The following RABGAP1 variants were observed in gnomAD, a reference collection of about 807,000 sequenced individuals.
RABGAP1 encodes the protein rab GTPase-activating protein 1.
In RABGAP1, 23 loss-of-function variants were observed where a neutral mutation model predicts 137.6. The observed-to-expected ratio is 0.17, with a 90% CI of 0.12 to 0.24. The LOEUF (loss-of-function observed/expected upper bound fraction) is 0.24. Among genes scored for constraint, RABGAP1 ranks in the 10% least tolerant of loss-of-function variants. RABGAP1 has a pLI of 1.00. For missense variants in RABGAP1, 906 were observed against 1,275.8 expected, an observed-to-expected ratio of 0.71 and a Z score of 4.42; for synonymous variants, 451 against 450.7, an observed-to-expected ratio of 1.00 and a Z score of -0.01.
intron 2 of RABGAP1, among the ~76,000 whole-genome samples, 170 bp downstream of exon 2, chr9:122,957,379 A>G (rs1834582454): frequency 6.6e-6 from 1 of 152,216 alleles, no homozygotes; most frequent in Non-Finnish European, 1.5e-5. Context: ...ATTTGATTAA[A>G]GATTTTCACT....
At chr9:123,050,309 TTG>T (rs1296573789) in intron 13 of RABGAP1, among the ~76,000 whole-genome samples, 3 of 152,232 alleles carry the variant, frequency 2.0e-5, no homozygotes, top group African/African-American at 7.2e-5. Flanking sequence ...AGGTTTTGAA[TTG>T]TTATTGTTAA....
At chr9:122,968,801 G>T (rs1188154419) in intron 2 of RABGAP1, among the ~76,000 whole-genome samples, 1 of 152,074 alleles carries the variant, frequency 6.6e-6, no homozygotes, top group African/African-American at 2.4e-5. Flanking sequence ...TCTTAGTAGA[G>T]ACGGGGTTTT....
intron 9 of RABGAP1, 35 bp from the exon 10 acceptor site, chr9:122,998,562 A>G: frequency 1.4e-6 from 2 of 1,413,946 alleles, no homozygotes; most frequent in Non-Finnish European, 1.9e-6. Flanking sequence ...TGTGTTTCTG[A>G]TTTACCTCTT....
intron 13 of RABGAP1, among the ~76,000 whole-genome samples, chr9:123,057,885 C>T (rs535070433): frequency 1.3e-5 from 2 of 152,304 alleles, no homozygotes; most frequent in African/African-American, 4.8e-5. Context: ...ACCCCGTCTC[C>T]ACCAAAAAAA....
intron 13 of RABGAP1, among the ~76,000 whole-genome samples, chr9:123,034,000 G>A (rs1335943157): frequency 6.6e-6 from 1 of 152,172 alleles, no homozygotes; most frequent in Non-Finnish European, 1.5e-5. Flanking sequence ...TGTTGCTGCT[G>A]CTCCTCTATA....
chr9:123,095,062 G>A (rs117079965), intron 21 of RABGAP1, among the ~76,000 whole-genome samples: 1,643 of 151,264 alleles, frequency 0.011, 8 homozygotes, highest in Admixed American at 0.016. Flanking sequence ...CTTTAGCCTG[G>A]GCAACATGGC....
chr9:122,957,506 T>C (rs1010382836), intron 2 of RABGAP1, among the ~76,000 whole-genome samples: 3 of 152,206 alleles, frequency 2.0e-5, no homozygotes, highest in Non-Finnish European at 4.4e-5. Flanking sequence ...CAAGTACTTG[T>C]TTTGTTTGGT....
chr9:123,052,620 G>A (rs1269851222), intron 13 of RABGAP1, among the ~76,000 whole-genome samples: 1 of 152,122 alleles, frequency 6.6e-6, no homozygotes, highest in Non-Finnish European at 1.5e-5. Context: ...ACTCGTCTGA[G>A]AAAAATGTGC....
At chr9:123,058,032 G>A (rs1029757150) in intron 13 of RABGAP1, among the ~76,000 whole-genome samples, 2 of 147,622 alleles carry the variant, frequency 1.4e-5, no homozygotes, top group African/African-American at 2.5e-5. Context: ...CGGCATCAGA[G>A]GGAGACCGTG....
intron 13 of RABGAP1, among the ~76,000 whole-genome samples, chr9:123,060,952 T>G (rs2033947588): frequency 6.6e-6 from 1 of 152,238 alleles, no homozygotes; most frequent in African/African-American, 2.4e-5. Flanking sequence ...ATGTATAAAA[T>G]TAATAACATG....
chr9:122,967,850 C>T (rs1835252113), intron 2 of RABGAP1, among the ~76,000 whole-genome samples: 1 of 151,946 alleles, frequency 6.6e-6, no homozygotes, highest in Non-Finnish European at 1.5e-5. Context: ...CCTCAGCCTC[C>T]TGAGTAGCTG....
At chr9:123,074,964 T>A (rs1300419920) in intron 17 of RABGAP1, among the ~76,000 whole-genome samples, 2 of 152,184 alleles carry the variant, frequency 1.3e-5, no homozygotes, top group Non-Finnish European at 2.9e-5. Flanking sequence ...GGAGACTTTT[T>A]AAAAAATAAG....
At chr9:123,005,287 GAT>G (rs1491255808) in intron 10 of RABGAP1, among the ~76,000 whole-genome samples, 1 of 60,532 alleles carries the variant, frequency 1.7e-5, no homozygotes, top group East Asian at 2.2e-4. Context: ...AGGGGCTTGG[GAT>G]TTTTTTTTTT....
intron 3 of RABGAP1, among the ~76,000 whole-genome samples, chr9:122,985,158 A>G (rs1285716984): frequency 6.6e-6 from 1 of 152,220 alleles, no homozygotes; most frequent in African/African-American, 2.4e-5. Context: ...GGACAGAAAG[A>G]CATAGCATGG....
At chr9:122,983,453 G>A (rs1049463111) in intron 2 of RABGAP1, among the ~76,000 whole-genome samples, 1 of 152,168 alleles carries the variant, frequency 6.6e-6, no homozygotes, top group African/African-American at 2.4e-5. Flanking sequence ...ATTATAATTT[G>A]CAGCACAAGA....
In RABGAP1 at chr9:123,065,463, T is replaced by C; in HGVS notation, c.1908+2T>C. ...GATTCCTTATATAAAATATGCAAGGTATTTCATGTCAAAAAAAAAAAGGAC... is the reference window on the plus strand; with the variant it reads ...GATTCCTTATATAAAATATGCAAGGCATTTCATGTCAAAAAAAAAAAGGAC... On this transcript the variant is annotated splice_donor_variant, in intron 14 of 25. Coordinates refer to ENST00000373647, the MANE Select transcript of RABGAP1 (RefSeq NM_012197.4). LOFTEE classifies it high-confidence loss of function. The C allele has an allele frequency of 6.3e-7, 1 of 1,578,330 alleles. No individual in the cohort carries two copies. The highest frequency in any genetic ancestry group is 8.7e-7 in the Non-Finnish European group (1 of 1,147,938).
intron 13 of RABGAP1, among the ~76,000 whole-genome samples, chr9:123,031,540 TAAGTTTA>T (rs893726429): frequency 3.3e-5 from 5 of 152,132 alleles, no homozygotes; most frequent in African/African-American, 1.2e-4. Context: ...AACAAAACTG[TAAGTTTA>T]GGTGGTAATC....
chr9:122,968,368 G>A (rs775808583), intron 2 of RABGAP1, among the ~76,000 whole-genome samples: 40 of 151,454 alleles, frequency 2.6e-4, no homozygotes, highest in Non-Finnish European at 5.3e-4. Context: ...GACAGTAGGC[G>A]TGCACCACTA....
chr9:122,978,725 G>A (rs906547031), intron 2 of RABGAP1, among the ~76,000 whole-genome samples: 16 of 152,156 alleles, frequency 1.1e-4, no homozygotes, highest in South Asian at 6.2e-4. Flanking sequence ...CATATGGTAA[G>A]TGTAATGTTT....
Sources: gnomAD v4.1 joint callset for allele counts (sites outside exome capture counted in the v4.1 genomes callset) on GRCh38, gnomAD v4.1.1 for gene constraint, MANE v1.5 for transcripts, NCBI Gene and HGNC (gene_info 2026-07-23, HGNC 2026-07-21) for gene names.